L3MBTL4: variants seen among roughly 807,000 people sequenced by gnomAD.
L3MBTL4 encodes lethal(3)malignant brain tumor-like protein 4.
A neutral mutation model predicts 84.5 loss-of-function variants in L3MBTL4; 70 were observed. The observed-to-expected ratio is 0.83, with a 90% CI of 0.68 to 1.01. The LOEUF is 1.01. L3MBTL4 is among the 50% of genes least tolerant of loss of function. The pLI, the probability that L3MBTL4 is intolerant of heterozygous loss-of-function variation, is 0.00. For synonymous variants in L3MBTL4, 274 were observed against 259.8 expected (o/e 1.05, Z -0.52); for missense variants, 715 against 754.8 (o/e 0.95, Z 0.62).
At chr18:6,187,637 A>G (rs984539898) in intron 12 of L3MBTL4, among the ~76,000 whole-genome samples, 5 of 152,170 alleles carry the variant, frequency 3.3e-5, no homozygotes, top group Non-Finnish European at 7.4e-5. Flanking sequence ...CCTCTTTTTC[A>G]TGTATAACTG....
intron 14 of L3MBTL4, among the ~76,000 whole-genome samples, chr18:6,124,509 A>G (rs2059626841): frequency 6.6e-6 from 1 of 151,198 alleles, no homozygotes; most frequent in African/African-American, 2.4e-5. Context: ...CTATCAATAC[A>G]TGGTAGCAGG....
At chr18:6,233,816 CT>C (rs2047097496) in intron 10 of L3MBTL4, among the ~76,000 whole-genome samples, 2 of 152,182 alleles carry the variant, frequency 1.3e-5, no homozygotes. Flanking sequence ...GGAAAAACTA[CT>C]TTAAGGTTCA....
chr18:6,377,556 A>C (rs182660664), intron 1 of L3MBTL4, among the ~76,000 whole-genome samples: 3 of 152,212 alleles, frequency 2.0e-5, no homozygotes, highest in Non-Finnish European at 4.4e-5. Context: ...CCCACTTATG[A>C]ATGAGAACAT....
intron 16 of L3MBTL4, among the ~76,000 whole-genome samples, chr18:6,028,988 A>T (rs567312202): frequency 1.3e-5 from 2 of 152,354 alleles, no homozygotes; most frequent in Non-Finnish European, 2.9e-5. Context: ...TTTAAACTGG[A>T]TAATTTTAAA....
intron 16 of L3MBTL4, chr18:6,030,491 T>A: frequency 3.1e-6 from 3 of 970,550 alleles, no homozygotes; most frequent in Non-Finnish European, 3.7e-6. Flanking sequence ...TTTATTTTAA[T>A]GAAGAGACTC....
intron 14 of L3MBTL4, among the ~76,000 whole-genome samples, chr18:6,098,405 T>A (rs1172019479): frequency 6.6e-6 from 1 of 152,146 alleles, no homozygotes; most frequent in African/African-American, 2.4e-5. Flanking sequence ...ACGCCAATGG[T>A]CATTTTTTCT....
At chr18:6,071,787 AAGAAAGAAAGAAAGAAAAAG>A (rs1568066911) in intron 16 of L3MBTL4, among the ~76,000 whole-genome samples, 2 of 143,308 alleles carry the variant, frequency 1.4e-5, no homozygotes, top group South Asian at 2.2e-4. Context: ...GAAAGAAAGA[AAGAAAGAAAGAAAGAAAAAG>A]AAAGAAAGGA....
chr18:6,374,821 G>A (rs1371971887), intron 1 of L3MBTL4, among the ~76,000 whole-genome samples: 3 of 151,904 alleles, frequency 2.0e-5, no homozygotes, highest in Non-Finnish European at 4.4e-5. Flanking sequence ...TCTATTACTG[G>A]CAGTTATTGC....
intron 13 of L3MBTL4, among the ~76,000 whole-genome samples, chr18:6,140,202 C>A (rs556567103): frequency 1.3e-5 from 2 of 152,266 alleles, no homozygotes; most frequent in African/African-American, 4.8e-5. Flanking sequence ...AGGTTCCAGG[C>A]CACTAATTTC....
At chr18:6,140,279 A>C (rs964459290) in intron 13 of L3MBTL4, among the ~76,000 whole-genome samples, 1 of 152,044 alleles carries the variant, frequency 6.6e-6, no homozygotes, top group Admixed American at 6.5e-5. Context: ...CTTAGATTCT[A>C]TCAACTGTTA....
chr18:6,191,592 T>A (rs1043329755), intron 12 of L3MBTL4, among the ~76,000 whole-genome samples: 2 of 152,086 alleles, frequency 1.3e-5, no homozygotes, highest in Non-Finnish European at 2.9e-5. Context: ...CATCAACATA[T>A]AGGTGATATT....
intron 16 of L3MBTL4, among the ~76,000 whole-genome samples, chr18:5,997,411 T>G (rs1484564715): frequency 1.3e-5 from 2 of 152,178 alleles, no homozygotes; most frequent in African/African-American, 2.4e-5. Context: ...GTCATCCCAG[T>G]GGGCCTCACT....
intron 1 of L3MBTL4, among the ~76,000 whole-genome samples, chr18:6,401,292 C>T (rs1213852555): frequency 6.6e-6 from 1 of 152,088 alleles, no homozygotes; most frequent in Non-Finnish European, 1.5e-5. Context: ...ACTTTATAAG[C>T]ACCGTTTATA....
intron 14 of L3MBTL4, among the ~76,000 whole-genome samples, chr18:6,109,730 C>T (rs944955521): frequency 2.0e-5 from 3 of 152,140 alleles, no homozygotes; most frequent in African/African-American, 7.2e-5. Flanking sequence ...GCCAGGAGGC[C>T]AGGGAGAGTC....
chr18:6,082,353 T>C (rs1307798283), intron 15 of L3MBTL4: 1 of 152,168 alleles, frequency 6.6e-6, no homozygotes, highest in African/African-American at 2.4e-5. Context: ...TTTACATTCT[T>C]GTAGGAGAAA....
At chr18:6,217,448 G>A (rs1237530790) in intron 10 of L3MBTL4, among the ~76,000 whole-genome samples, 1 of 152,140 alleles carries the variant, frequency 6.6e-6, no homozygotes, top group Non-Finnish European at 1.5e-5. Flanking sequence ...GTGGATTATT[G>A]CCTTCAGAAC....
chr18:6,049,760 TG>T (rs2056776255), intron 16 of L3MBTL4, among the ~76,000 whole-genome samples: 1 of 152,148 alleles, frequency 6.6e-6, no homozygotes, highest in Non-Finnish European at 1.5e-5. Flanking sequence ...AACTAACTAT[TG>T]GGTGTTATGT....
chr18:6,408,928 C>G (rs1340226108), intron 1 of L3MBTL4, among the ~76,000 whole-genome samples: 1 of 152,126 alleles, frequency 6.6e-6, no homozygotes, highest in African/African-American at 2.4e-5. Context: ...CCACCCTCCT[C>G]GGCCTCCCAA....
intron 11 of L3MBTL4, among the ~76,000 whole-genome samples, chr18:6,213,682 G>A (rs1465868282): frequency 6.6e-6 from 1 of 152,046 alleles, no homozygotes; most frequent in African/African-American, 2.4e-5. Context: ...AAAGTGCTGG[G>A]ATTACAGGCG....
Sources: gnomAD v4.1 joint callset for allele counts (sites outside exome capture counted in the v4.1 genomes callset) on GRCh38, gnomAD v4.1.1 for gene constraint, MANE v1.5 for transcripts, NCBI Gene and HGNC (gene_info 2026-07-23, HGNC 2026-07-21) for gene names.